SPATA13: variants seen among roughly 807,000 people sequenced by gnomAD.
SPATA13 encodes the protein spermatogenesis-associated protein 13.
SPATA13 carries 50 observed loss-of-function variants against 104.0 expected under a neutral mutation model. The observed-to-expected ratio is 0.48, with a 90% CI of 0.38 to 0.61. SPATA13 has a LOEUF of 0.61. Ranked by LOEUF, SPATA13 falls within the 20% of genes least tolerant of loss-of-function variation. The pLI is 0.00. For missense variants in SPATA13, 1,524 were observed against 1,690.6 expected, an observed-to-expected ratio of 0.90 and a Z score of 1.73; for synonymous variants, 606 against 667.5, an observed-to-expected ratio of 0.91 and a Z score of 1.42.
At chr13:24,159,039 A>G (rs2138480778), upstream of SPATA13, among the ~76,000 whole-genome samples, 1 of 152,364 alleles carries the variant, frequency 6.6e-6, no homozygotes, top group South Asian at 2.1e-4. Flanking sequence ...CTTTTGAAAC[A>G]CAATTTTTTT....
chr13:24,015,677 TC>T (rs1177830476), intron 2 of SPATA13, among the ~76,000 whole-genome samples: 2 of 152,108 alleles, frequency 1.3e-5, no homozygotes, highest in Non-Finnish European at 2.9e-5. Flanking sequence ...CCCTAGAAGG[TC>T]AGACCAGCCA....
intron 2 of SPATA13, among the ~76,000 whole-genome samples, chr13:24,012,202 C>T (rs1408845894): frequency 2.0e-5 from 3 of 152,242 alleles, no homozygotes; most frequent in South Asian, 2.1e-4. Flanking sequence ...TTTTCACCTG[C>T]GTCACAGCCA....
At chr13:24,085,887 C>T (rs1031801340) in intron 3 of SPATA13, among the ~76,000 whole-genome samples, 4 of 152,224 alleles carry the variant, frequency 2.6e-5, no homozygotes, top group African/African-American at 9.7e-5. Context: ...AACCAGGGCG[C>T]AGCCACAGAG....
chr13:24,249,742 G>T lies in SPATA13; in HGVS notation c.1919G>T (p.Cys640Phe). 1 of 1,614,196 alleles carries T rather than the reference G, an allele frequency of 6.2e-7. No homozygotes were observed. Among genetic ancestry groups the T allele is most frequent in the Non-Finnish European group, 8.5e-7 (1 of 1,180,036 alleles). The change falls in exon 3 of 13, where the codon TGC becomes TTC. Residue 640 changes from cysteine (C) to phenylalanine (F), a missense_variant. Cys to Phe is a radical substitution (Grantham distance 205). This residue lies in a region of SPATA13 where 1,089 missense variants were observed against 1,135.9 expected (regional missense o/e 0.96). Transcript: ENST00000382108. ...GAAGACCAGAATGCTCCAGTGGGCT[G>T]CCCCAAAGGAGCCCGGAGAAGGCGC... is the stretch of plus-strand genomic sequence containing the variant. ...SPEDQNAPVGCPKGARRRRPI... is the reference protein window; with the variant it reads ...SPEDQNAPVGFPKGARRRRPI...
Position 24,137,032 on chromosome 13 carries a change from G to A in SPATA13, c.-111-85787G>A, listed in dbSNP as rs1380772034. On this transcript the variant is annotated intron_variant, in intron 3 of 14. Coordinates refer to the SPATA13 transcript ENST00000424834. ...TTTTTAGTAGAGACGGGGTTTCACC[G>A]TTTTAGCCGGGATGGTCTCAATCTC... Among the ~76,000 whole-genome samples, 66 of 105,456 alleles carry A rather than the reference G, an allele frequency of 6.3e-4. 20 individuals are homozygous for A. The highest frequency in any genetic ancestry group is 2.1e-3 in the African/African-American group (64 of 30,448). The allele number at this position is 105,456 out of a possible 152,430, so 69.2% of individuals were successfully genotyped here.
chr13:24,045,153 G>T (rs752625392), intron 3 of SPATA13, among the ~76,000 whole-genome samples: 10 of 152,256 alleles, frequency 6.6e-5, no homozygotes, highest in Admixed American at 1.3e-4. Context: ...TGACAAAGTT[G>T]TATGTTTCTG....
At chr13:24,300,502 C>G (rs369855151) in intron 12 of SPATA13, 27 bp downstream of exon 12, 1 of 1,601,926 alleles carries the variant, frequency 6.2e-7, no homozygotes, top group African/African-American at 1.3e-5. Context: ...GCTTTGTCCC[C>G]TTAATGCTTA....
chr13:24,273,488 A>C (rs1008773307), intron 4 of SPATA13, among the ~76,000 whole-genome samples: 5 of 152,210 alleles, frequency 3.3e-5, no homozygotes, highest in African/African-American at 1.2e-4. Context: ...GAATGGCTTG[A>C]AAGTCTAGAT....
At chr13:24,265,003 T>G (rs1227398978) in intron 4 of SPATA13, among the ~76,000 whole-genome samples, 1 of 152,226 alleles carries the variant, frequency 6.6e-6, no homozygotes, top group Non-Finnish European at 1.5e-5. Flanking sequence ...TCGCTGGTTT[T>G]GTGTGTTCAG....
chr13:24,042,147 C>T (rs1018927506), intron 3 of SPATA13, among the ~76,000 whole-genome samples: 1 of 141,318 alleles, frequency 7.1e-6, no homozygotes, highest in Non-Finnish European at 1.5e-5. Flanking sequence ...GTCACGGGAG[C>T]GTTGGCTATG....
At chr13:24,298,892 C>G (rs903617750) in intron 11 of SPATA13, among the ~76,000 whole-genome samples, 1 of 152,166 alleles carries the variant, frequency 6.6e-6, no homozygotes, top group African/African-American at 2.4e-5. Context: ...AATGGGTAGA[C>G]ATTGGCCTGG....
intron 1 of SPATA13, among the ~76,000 whole-genome samples, chr13:24,163,452 C>CT (rs1371519041): frequency 6.6e-6 from 1 of 152,164 alleles, no homozygotes; most frequent in Non-Finnish European, 1.5e-5. Flanking sequence ...CAGCTGTCTC[C>CT]TCCCGTGCAT....
At chr13:24,193,315 G>T (rs987327013) in intron 1 of SPATA13, among the ~76,000 whole-genome samples, 1 of 152,144 alleles carries the variant, frequency 6.6e-6, no homozygotes, top group South Asian at 2.1e-4. Context: ...AGGTGAGGGT[G>T]GGGGAGAGAG....
Position 24,286,428 on chromosome 13 carries a change from C to T in SPATA13, c.2481+35C>T, listed in dbSNP as rs2138735735. On this transcript the variant is annotated intron_variant, in intron 6 of 12. Transcript: ENST00000382108. This position sits in a 1 kb window ranked among gnomAD's most constrained non-coding sequence, Gnocchi z 4.9. Reference sequence around the variant, plus strand: ...GGGTGCTTGCAGCTTTTCCAAAGTACCTGGGGGAGCTGCAGGATCCTTTCA... The same window carrying T: ...GGGTGCTTGCAGCTTTTCCAAAGTATCTGGGGGAGCTGCAGGATCCTTTCA... 1.3e-6 allele frequency: 2 copies of T among 1,592,400 alleles called. No homozygotes were observed. The highest frequency in any genetic ancestry group is 1.7e-6 in the Non-Finnish European group (2 of 1,169,186).
In SPATA13 at chr13:24,251,845, A is replaced by T; in HGVS notation, c.2147A>T (p.Gln716Leu). The change falls in exon 4 of 13, where the codon CAG becomes CTG. Residue 716 changes from glutamine (Q) to leucine (L), a missense_variant. Around this residue, in one of 2 missense-constraint regions of SPATA13, gnomAD observed 1,089 missense variants for 1,135.9 expected, o/e 0.96. Transcript: ENST00000382108. ...TTGGACCGTGTGGGACGCCGGCGGCAGATGAGAGCATCCAACGGTGAGTCT... is the reference window on the plus strand; with the variant it reads ...TTGGACCGTGTGGGACGCCGGCGGCTGATGAGAGCATCCAACGGTGAGTCT... ...IGLDRVGRRR[Q>L]MRASNVSSDG... is the part of the protein sequence containing the mutation. 1 of 1,613,930 alleles carries T rather than the reference A, an allele frequency of 6.2e-7. No homozygotes were observed. The highest frequency in any genetic ancestry group is 8.5e-7 in the Non-Finnish European group (1 of 1,179,880).
At chr13:24,038,209 G>A (rs535199019) in intron 3 of SPATA13, among the ~76,000 whole-genome samples, 21 of 152,110 alleles carry the variant, frequency 1.4e-4, no homozygotes, top group Non-Finnish European at 2.2e-4. Flanking sequence ...CACCGCGCCC[G>A]GCCAACTAGG....
intron 3 of SPATA13, among the ~76,000 whole-genome samples, chr13:24,090,954 T>C (rs528807131): frequency 6.6e-6 from 1 of 152,380 alleles, no homozygotes; most frequent in South Asian, 2.1e-4. Flanking sequence ...TTTGCCTGTT[T>C]AGTGACTTCT....
chr13:24,295,644 C>T (rs2138762872), intron 10 of SPATA13, among the ~76,000 whole-genome samples: 1 of 148,360 alleles, frequency 6.7e-6, no homozygotes, highest in East Asian at 2.0e-4. Context: ...AATACAATGC[C>T]TGTAATAATG....
chr13:24,301,828 G>A (rs914986767), intron 12 of SPATA13, among the ~76,000 whole-genome samples: 24 of 152,158 alleles, frequency 1.6e-4, no homozygotes, highest in African/African-American at 5.6e-4. Flanking sequence ...TACCTATGCC[G>A]GTGAAGTTTT....
Sources: allele counts gnomAD v4.1 joint callset (sites outside exome capture counted in the v4.1 genomes callset), GRCh38; gene constraint gnomAD v4.1.1; regional missense constraint gnomAD v4.1.1; non-coding constraint Gnocchi (gnomAD v3.1); transcripts MANE v1.5; gene names NCBI Gene and HGNC (gene_info 2026-07-23, HGNC 2026-07-21).